The following KANK2 variants were observed in gnomAD, a reference collection of about 807,000 sequenced individuals.
The protein encoded by KANK2 is KN motif and ankyrin repeat domain-containing protein 2.
Under a neutral mutation model 74.6 loss-of-function variants are expected in KANK2, and 41 were observed. The ratio of observed to expected loss-of-function variants is 0.55; its 90% CI spans 0.43 to 0.71. The LOEUF (loss-of-function observed/expected upper bound fraction) is 0.71, where lower values mean the gene tolerates loss of function less well. Ranked by LOEUF, KANK2 falls within the 30% of genes least tolerant of loss-of-function variation. The pLI, the probability that KANK2 is intolerant of heterozygous loss-of-function variation, is 0.00. For synonymous variants in KANK2, 537 were observed against 519.0 expected, an observed-to-expected ratio of 1.03 and a Z score of -0.47; for missense variants, 1,148 against 1,196.4, an observed-to-expected ratio of 0.96 and a Z score of 0.60.
Position 11,186,349 on chromosome 19 carries a change from C to T in KANK2, c.1249+6482G>A, listed in dbSNP as rs545039771. ...GTTGCAGTGAGCCAAGATCGCGCCA[C>T]CGCACTCCAGCCTGAGAAACAGAGC... On this transcript the variant is annotated intron_variant, in intron 4 of 12. Transcript: ENST00000586659. Among the ~76,000 whole-genome samples, 27 of 151,900 alleles carry T rather than the reference C, an allele frequency of 1.8e-4. 1 individual carries two copies. Among genetic ancestry groups the T allele is most frequent in the South Asian group, 1.0e-3 (5 of 4,808 alleles).
Position 11,170,305 on chromosome 19 carries a change from C to T in KANK2, c.2212-57G>A. On this transcript the variant is annotated intron_variant, in intron 10 of 12. Transcript: ENST00000586659. This position sits in a 1 kb window ranked among gnomAD's most constrained non-coding sequence, Gnocchi z 5.2. ...ATGCAGGCCCCAGGGCAGGACACCCCCTGGTCTAGAACCTGCTGTAGCTCC... is the reference window on the plus strand; with the variant it reads ...ATGCAGGCCCCAGGGCAGGACACCCTCTGGTCTAGAACCTGCTGTAGCTCC... 3.4e-6 allele frequency: 5 copies of T among 1,470,920 alleles called. No individual in the cohort carries two copies. The highest frequency in any genetic ancestry group is 1.1e-5 in the South Asian group (1 of 87,498). 91.1% of individuals were successfully genotyped at this position (1,470,920 alleles called of 1,614,324 possible).
chr19:11,173,257 G>GC (rs759810616), intron 9 of KANK2, 134 bp from the exon 10 acceptor site: 1 of 853,536 alleles, frequency 1.2e-6, no homozygotes, highest in Non-Finnish European at 1.7e-6. Flanking sequence ...ACCCCACTCT[G>GC]CCCTAGAGGT....
chr19:11,175,978 C>T lies in KANK2; in HGVS notation c.1772G>A (p.Ser591Asn), dbSNP rs754339754. The change falls in exon 8 of 13, where the codon AGC becomes AAC. Residue 591 changes from serine (S) to asparagine (N), a missense_variant. Coordinates refer to ENST00000586659, the MANE Select transcript of KANK2 (RefSeq NM_001136191.3). ...CAAGCAGGCTGAGATGAGGTCAGGG[C>T]TTAGCTCCATCCTGCCAGGAACAGA... ...NTEEEIRMELSPDLISACLAL... is the reference protein window; with the variant it reads ...NTEEEIRMELNPDLISACLAL... 1.2e-6 allele frequency: 2 copies of T among 1,613,420 alleles called. No individual in the cohort carries two copies. Among genetic ancestry groups the T allele is most frequent in the South Asian group, 1.1e-5 (1 of 90,868 alleles).
rs2078958241 is a variant in KANK2 at position 11,194,457 on chromosome 19, T to C, written c.37+18A>G. 3 of 1,606,014 alleles carry C rather than the reference T, an allele frequency of 1.9e-6. No homozygotes were observed. The highest frequency in any genetic ancestry group is 2.2e-5 in the East Asian group (1 of 44,808). ...TGAAGCTCCCCGGGGCAGGGCCCTC[T>C]TCCCTGAGTCCCCTGACCTGGGAAG... is the stretch of plus-strand genomic sequence containing the variant. On this transcript the variant is annotated intron_variant, in intron 3 of 12. Transcript: ENST00000586659.
chr19:11,192,670 A>G, intron 4 of KANK2, 161 bp downstream of exon 4: 1 of 798,716 alleles, frequency 1.3e-6, no homozygotes, highest in Non-Finnish European at 2.1e-6. Flanking sequence ...CCTGACCTCA[A>G]GTGATCTGCC....
rs543411465 is a variant in KANK2 at position 11,171,541 on chromosome 19, A to G, written c.2212-1293T>C. On this transcript the variant is annotated intron_variant, in intron 10 of 12. Transcript: ENST00000586659. Reference sequence around the variant, plus strand: ...GAATTTCACCTTCTTTTTTTTTTTAATAGAGAGGAGGTGGGGGTGGGGGGG... The same window carrying G: ...GAATTTCACCTTCTTTTTTTTTTTAGTAGAGAGGAGGTGGGGGTGGGGGGG... 1.6e-3 allele frequency among the ~76,000 whole-genome samples: 237 copies of G among 145,852 alleles called. 1 individual carries two copies. The highest frequency in any genetic ancestry group is 5.5e-3 in the African/African-American group (223 of 40,250).
In KANK2 at chr19:11,190,416, C is replaced by G. The variant is rs532858700; in HGVS notation, c.1249+2415G>C. On this transcript the variant is annotated intron_variant, in intron 4 of 12. Transcript: ENST00000586659. ...GTGCTAGGATTACAGGCCTGATGTTCTGGGTTTGGATACTGGCTCAGTTGA... is the reference window on the plus strand; with the variant it reads ...GTGCTAGGATTACAGGCCTGATGTTGTGGGTTTGGATACTGGCTCAGTTGA... Among the ~76,000 whole-genome samples the G allele has an allele frequency of 7.2e-5, 11 of 152,220 alleles. No homozygotes were observed. The East Asian group carries it at 1.9e-3, about 27-fold the overall frequency.
chr19:11,191,867 G>C (rs553698400), intron 4 of KANK2, among the ~76,000 whole-genome samples: 8 of 152,254 alleles, frequency 5.3e-5, no homozygotes, highest in African/African-American at 1.7e-4. Flanking sequence ...AGACCAGCCT[G>C]GGCAACATAA....
At chr19:11,194,911 G>A (rs2078973287) in intron 2 of KANK2, 2 of 181,188 alleles carry the variant, frequency 1.1e-5, no homozygotes, top group Non-Finnish European at 2.4e-5. Context: ...CACCCTTCCT[G>A]CACCCCCTCC....
At position 11,193,795 on chromosome 19, in the gene KANK2, G is replaced by A. The variant is rs756475279; in HGVS notation, c.285C>T (p.Ser95=). The stretch of plus-strand genomic sequence containing the variant: ...CGCAGTAGGAATAGGCTGAGTGGCG[G>A]CTGTCCCCACTGGCATTGGAGCACA... The part of the protein sequence containing the change: ...ESLCSNASGD[S]RHSAYSYCGR... Residue 95 remains serine, a synonymous_variant, in exon 4 of 13, where the codon AGC becomes AGT. Coordinates refer to ENST00000586659, the MANE Select transcript of KANK2 (RefSeq NM_001136191.3). The surrounding 1 kb of genome is among the most constrained non-coding windows in gnomAD (Gnocchi z 9.6). 6.2e-7 allele frequency: 1 copy of A among 1,612,552 alleles called. No individual in the cohort carries two copies. Among genetic ancestry groups the A allele is most frequent in the African/African-American group, 1.3e-5 (1 of 74,924 alleles).
intron 4 of KANK2, among the ~76,000 whole-genome samples, chr19:11,191,207 A>G (rs140842514): frequency 2.7e-5 from 4 of 150,528 alleles, no homozygotes; most frequent in Non-Finnish European, 5.9e-5. Context: ...CGCCCGGCTA[A>G]TTTTTGTATT....
chr19:11,171,723 G>C (rs1233017070), intron 10 of KANK2, among the ~76,000 whole-genome samples: 1 of 150,946 alleles, frequency 6.6e-6, no homozygotes, highest in Non-Finnish European at 1.5e-5. Flanking sequence ...CTGTCACCCA[G>C]GCTGGAGTGC....
intron 12 of KANK2, among the ~76,000 whole-genome samples, chr19:11,169,229 T>G (rs1337875157): frequency 1.3e-5 from 2 of 152,042 alleles, no homozygotes; most frequent in Non-Finnish European, 2.9e-5. Context: ...TCCCAGCTAC[T>G]TTGGAGACTG....
At chr19:11,182,065 G>A (rs1728552518) in intron 4 of KANK2, among the ~76,000 whole-genome samples, 1 of 151,682 alleles carries the variant, frequency 6.6e-6, no homozygotes, top group African/African-American at 2.4e-5. Flanking sequence ...TTACAGGTGT[G>A]TGCCACCATG....
intron 4 of KANK2, among the ~76,000 whole-genome samples, chr19:11,183,059 AACTGAC>A (rs1159498668): frequency 2.0e-5 from 3 of 152,192 alleles, no homozygotes; most frequent in Non-Finnish European, 4.4e-5. Flanking sequence ...GAATGGGGCC[AACTGAC>A]ACTAAAATTT....
chr19:11,179,480 T>C (rs2078448687), intron 4 of KANK2, among the ~76,000 whole-genome samples: 1 of 146,372 alleles, frequency 6.8e-6, no homozygotes, highest in Non-Finnish European at 1.5e-5. Context: ...CTACTAAATA[T>C]ACAAAAATTA....
rs1445012766 is a variant in KANK2 at position 11,174,621 on chromosome 19, C to T, written c.1920G>A (p.Leu640=). Residue 640 remains leucine, a synonymous_variant, in exon 9 of 13, where the codon CTG becomes CTA. Coordinates refer to ENST00000586659, the MANE Select transcript of KANK2 (RefSeq NM_001136191.3). The part of the protein sequence containing the change: ...LACRSDAHPE[L]VRRHLVTFRA... ...GGAACGTGACCAGGTGCCGCCGCACCAGCTCGGGGTGTGCGTCGCTGCGGC... is the reference window on the plus strand; with the variant it reads ...GGAACGTGACCAGGTGCCGCCGCACTAGCTCGGGGTGTGCGTCGCTGCGGC... The T allele has an allele frequency of 6.2e-7, 1 of 1,612,464 alleles. No homozygotes were observed. Among genetic ancestry groups the T allele is most frequent in the East Asian group, 2.2e-5 (1 of 44,840 alleles).
intron 12 of KANK2, 129 bp from the exon 13 acceptor site, chr19:11,166,740 G>A: frequency 1.3e-6 from 1 of 794,876 alleles, no homozygotes; most frequent in Non-Finnish European, 2.1e-6. Flanking sequence ...CCCCAAGGAG[G>A]TGGCGATCTG....
At chr19:11,172,846 C>G in intron 10 of KANK2, 135 bp downstream of exon 10, 1 of 890,626 alleles carries the variant, frequency 1.1e-6, no homozygotes, top group South Asian at 1.6e-5. Flanking sequence ...ACAAGAAGGT[C>G]CTGTGTCAGA....
Sources: gnomAD v4.1 joint callset for allele counts (sites outside exome capture counted in the v4.1 genomes callset) on GRCh38, gnomAD v4.1.1 for gene constraint, Gnocchi (gnomAD v3.1) non-coding constraint, MANE v1.5 for transcripts, NCBI Gene and HGNC (gene_info 2026-07-23, HGNC 2026-07-21) for gene names.